Variants in MECOM observed in about 807,000 individuals in gnomAD.
MECOM encodes histone-lysine N-methyltransferase MECOM.
A neutral mutation model predicts 116.3 loss-of-function variants in MECOM; 13 were observed. The ratio of observed to expected loss-of-function variants is 0.11; its 90% CI spans 0.07 to 0.18. The LOEUF (loss-of-function observed/expected upper bound fraction) is 0.18. MECOM is among the 10% of genes least tolerant of loss of function. The probability of loss-of-function intolerance (pLI) is 1.00; values close to 1 mark genes in which losing one functional copy is unlikely to be tolerated. For missense variants in MECOM, 1,299 were observed against 1,509.0 expected (o/e 0.86, Z 2.31); for synonymous variants, 528 against 535.2 (o/e 0.99, Z 0.19).
At chr3:169,522,051 A>G (rs895995234) in intron 1 of MECOM, among the ~76,000 whole-genome samples, 26 of 152,170 alleles carry the variant, frequency 1.7e-4, no homozygotes, top group Admixed American at 1.0e-3. Context: ...AGATTTTGGT[A>G]TCCGTGAAGG....
chr3:169,389,062 T>A (rs1465365866), intron 1 of MECOM, among the ~76,000 whole-genome samples: 1 of 152,220 alleles, frequency 6.6e-6, no homozygotes, highest in Non-Finnish European at 1.5e-5. Context: ...GGCATACTGT[T>A]GCATGTCCTG....
chr3:169,148,168 CA>C (rs1370046841), intron 2 of MECOM, among the ~76,000 whole-genome samples: 1 of 152,056 alleles, frequency 6.6e-6, no homozygotes, highest in Non-Finnish European at 1.5e-5. Flanking sequence ...ATAACCCGCC[CA>C]AACAGCATAT....
chr3:169,167,273 A>C (rs1487470904), intron 2 of MECOM, among the ~76,000 whole-genome samples: 1 of 152,160 alleles, frequency 6.6e-6, no homozygotes, highest in Non-Finnish European at 1.5e-5. Context: ...ATTAGATGGA[A>C]ATTCCCAGCT....
chr3:169,326,111 A>G (rs1175681429), intron 2 of MECOM, among the ~76,000 whole-genome samples: 1 of 152,308 alleles, frequency 6.6e-6, no homozygotes, highest in Middle Eastern at 3.4e-3. Flanking sequence ...CTGTTTAGAA[A>G]AAAAGCTCAA....
intron 2 of MECOM, among the ~76,000 whole-genome samples, chr3:169,316,558 A>G (rs528164685): frequency 1.3e-5 from 2 of 152,194 alleles, no homozygotes; most frequent in South Asian, 2.1e-4. Context: ...TTAAGAAAAT[A>G]TACTTTTTTT....
chr3:169,378,527 AAAG>A (rs1560198226), intron 2 of MECOM, among the ~76,000 whole-genome samples: 3 of 47,250 alleles, frequency 6.3e-5, no homozygotes, highest in Non-Finnish European at 1.3e-4. Flanking sequence ...AGAAAGAAAG[AAAG>A]AAAGAAAGAA....
intron 1 of MECOM, among the ~76,000 whole-genome samples, chr3:169,533,619 G>A (rs1758951111): frequency 7.7e-6 from 1 of 130,330 alleles, no homozygotes; most frequent in African/African-American, 2.7e-5. Context: ...GGGGCCTGGA[G>A]TTCATATTCA....
intron 1 of MECOM, among the ~76,000 whole-genome samples, chr3:169,616,013 A>G (rs1418159820): frequency 2.0e-5 from 3 of 152,188 alleles, no homozygotes; most frequent in Non-Finnish European, 4.4e-5. Context: ...ATCTTCGAGA[A>G]TGGCCCAGCC....
At chr3:169,261,020 G>A (rs1219973669) in intron 2 of MECOM, among the ~76,000 whole-genome samples, 1 of 152,094 alleles carries the variant, frequency 6.6e-6, no homozygotes, top group East Asian at 1.9e-4. Context: ...TGATAATAGA[G>A]CACTTTTTTT....
At chr3:169,547,515 G>T (rs1165671317) in intron 1 of MECOM, among the ~76,000 whole-genome samples, 1 of 152,040 alleles carries the variant, frequency 6.6e-6, no homozygotes, top group Admixed American at 6.6e-5. Context: ...ACTAATCTGG[G>T]TTCATACTCC....
At chr3:169,385,413 C>T (rs1733160832) in intron 1 of MECOM, among the ~76,000 whole-genome samples, 1 of 151,926 alleles carries the variant, frequency 6.6e-6, no homozygotes. Flanking sequence ...CATCCATATG[C>T]AAGCACTAAA....
intron 2 of MECOM, among the ~76,000 whole-genome samples, chr3:169,346,082 G>C (rs919494133): frequency 6.6e-6 from 1 of 152,096 alleles, no homozygotes; most frequent in African/African-American, 2.4e-5. Context: ...TGCTCATGCA[G>C]AGGGTGATGA....
intron 1 of MECOM, among the ~76,000 whole-genome samples, chr3:169,555,130 G>A (rs1418567963): frequency 6.6e-6 from 1 of 152,088 alleles, no homozygotes; most frequent in Non-Finnish European, 1.5e-5. Context: ...TTCTTTTAGG[G>A]GCCCAGAAAT....
intron 1 of MECOM, among the ~76,000 whole-genome samples, chr3:169,491,087 G>A (rs1257628689): frequency 6.6e-6 from 1 of 151,882 alleles, no homozygotes; most frequent in African/African-American, 2.4e-5. Flanking sequence ...TAAACCCCTG[G>A]GCTCAAGCAA....
chr3:169,278,035 A>G (rs1031247399), intron 2 of MECOM, among the ~76,000 whole-genome samples: 8 of 152,230 alleles, frequency 5.3e-5, no homozygotes, highest in Admixed American at 1.3e-4. Context: ...CAAACACAGT[A>G]TCAAGCACAA....
intron 1 of MECOM, among the ~76,000 whole-genome samples, chr3:169,562,178 AAAAAAAAAGATAG>A (rs1463391440): frequency 8.4e-6 from 1 of 119,150 alleles, no homozygotes; most frequent in Non-Finnish European, 1.6e-5. Context: ...GAAAGAAAGA[AAAAAAAAAGATAG>A]AAAAAGAAAC....
intron 1 of MECOM, among the ~76,000 whole-genome samples, chr3:169,489,888 T>C (rs1033524645): frequency 2.0e-5 from 3 of 152,170 alleles, no homozygotes; most frequent in African/African-American, 7.2e-5. Context: ...GGGATATTCA[T>C]AGATTTGACT....
At chr3:169,223,872 T>G (rs1258318149) in intron 2 of MECOM, among the ~76,000 whole-genome samples, 1 of 152,154 alleles carries the variant, frequency 6.6e-6, no homozygotes, top group Non-Finnish European at 1.5e-5. Flanking sequence ...AAGCCACTAG[T>G]AGTGACTCCC....
At chr3:169,374,695 C>A (rs1439254366) in intron 2 of MECOM, among the ~76,000 whole-genome samples, 1 of 151,824 alleles carries the variant, frequency 6.6e-6, no homozygotes, top group Non-Finnish European at 1.5e-5. Flanking sequence ...GTGGATCCAC[C>A]TTTCTTGGTG....
Sources: allele counts gnomAD v4.1 joint callset (sites outside exome capture counted in the v4.1 genomes callset), GRCh38; gene constraint gnomAD v4.1.1; transcripts MANE v1.5; gene names NCBI Gene and HGNC (gene_info 2026-07-23, HGNC 2026-07-21).